Variants in BAZ1B observed in about 807,000 individuals in gnomAD.
BAZ1B encodes the protein tyrosine-protein kinase BAZ1B.
Under a neutral mutation model 153.8 loss-of-function variants are expected in BAZ1B, and 22 were observed. That is an observed-to-expected ratio of 0.14 (90% CI 0.10 to 0.20). BAZ1B has a LOEUF of 0.20. Ranked by LOEUF, BAZ1B falls within the 10% of genes least tolerant of loss-of-function variation. BAZ1B has a pLI of 1.00. For missense variants in BAZ1B, 1,325 were observed against 1,799.3 expected (o/e 0.74, Z 4.77); for synonymous variants, 676 against 633.4 (o/e 1.07, Z -1.01).
At chr7:73,472,351 C>A (rs530822125) in intron 7 of BAZ1B, among the ~76,000 whole-genome samples, 43 of 152,040 alleles carry the variant, frequency 2.8e-4, no homozygotes, top group Admixed American at 2.6e-3. Flanking sequence ...CTCCGCCTGC[C>A]GGGTTCAAGT....
At chr7:73,466,190 T>C (rs1227888177) in intron 10 of BAZ1B, 106 bp downstream of exon 10, 20 of 781,044 alleles carry the variant, frequency 2.6e-5, no homozygotes, top group Middle Eastern at 2.8e-4. Context: ...ACACAAAGTA[T>C]CCTGCGCAAA....
intron 6 of BAZ1B, among the ~76,000 whole-genome samples, chr7:73,480,762 G>A (rs1789168475): frequency 6.6e-6 from 1 of 152,104 alleles, no homozygotes; most frequent in Non-Finnish European, 1.5e-5. Flanking sequence ...AACAGCTAAG[G>A]ATTACTGAAT....
chr7:73,456,550 C>T (rs1340668201), intron 13 of BAZ1B, among the ~76,000 whole-genome samples: 1 of 152,108 alleles, frequency 6.6e-6, no homozygotes, highest in African/African-American at 2.4e-5. Flanking sequence ...TGAAAAGATG[C>T]TCAACATCAT....
At chr7:73,452,805 A>G (rs1034089917) in intron 13 of BAZ1B, among the ~76,000 whole-genome samples, 1 of 152,168 alleles carries the variant, frequency 6.6e-6, no homozygotes, top group Non-Finnish European at 1.5e-5. Flanking sequence ...AAACCATCAT[A>G]AATTATAAAT....
chr7:73,453,892 C>T (rs1266806743), intron 13 of BAZ1B, among the ~76,000 whole-genome samples: 1 of 152,122 alleles, frequency 6.6e-6, no homozygotes, highest in Non-Finnish European at 1.5e-5. Context: ...AGTAGAAGGA[C>T]ACCTGAGCCC....
chr7:73,469,983 A>C (rs146747475), intron 8 of BAZ1B, among the ~76,000 whole-genome samples: 1 of 152,290 alleles, frequency 6.6e-6, no homozygotes, highest in East Asian at 1.9e-4. Context: ...GTAGGATTAC[A>C]GGTGTGAACC....
intron 12 of BAZ1B, among the ~76,000 whole-genome samples, chr7:73,461,231 C>T (rs1313864504): frequency 6.6e-6 from 1 of 152,150 alleles, no homozygotes; most frequent in Non-Finnish European, 1.5e-5. Flanking sequence ...CCACCTTGGC[C>T]TCCTAAAGTG....
Position 73,463,008 on chromosome 7 carries a change from G to A in BAZ1B, c.3163C>T (p.Leu1055Phe). 2 of 1,614,008 alleles carry A rather than the reference G, an allele frequency of 1.2e-6. No homozygotes were observed. Among genetic ancestry groups the A allele is most frequent in the Non-Finnish European group, 1.7e-6 (2 of 1,179,960 alleles). Reference sequence around the variant, plus strand: ...GCAACTTCAATGAGATCACTACGAAGGAAGTTTAAAAGCTCCTGGTTGCCA... The same window carrying A: ...GCAACTTCAATGAGATCACTACGAAAGAAGTTTAAAAGCTCCTGGTTGCCA... ...CDGNQELLNF[L>F]RSDLIEVATR... The change falls in exon 12 of 20, where the codon CTT becomes TTT. Residue 1055 changes from leucine to phenylalanine, a missense_variant. Physicochemically the swap from Leu to Phe is conservative, Grantham distance 22. Coordinates refer to ENST00000339594, the MANE Select transcript of BAZ1B (RefSeq NM_032408.4).
chr7:73,461,900 GGCA>G (rs1325090385), intron 12 of BAZ1B, among the ~76,000 whole-genome samples: 1 of 152,154 alleles, frequency 6.6e-6, no homozygotes, highest in Non-Finnish European at 1.5e-5. Context: ...GATCAGCCAG[GGCA>G]ACATAGTGAG....
chr7:73,471,822 G>A (rs1416114362), intron 7 of BAZ1B, among the ~76,000 whole-genome samples: 1 of 151,714 alleles, frequency 6.6e-6, no homozygotes, highest in African/African-American at 2.4e-5. Flanking sequence ...AAGTGAAACT[G>A]TGTATTTGTA....
chr7:73,495,161 T>C (rs1789824224), intron 4 of BAZ1B, among the ~76,000 whole-genome samples: 1 of 152,128 alleles, frequency 6.6e-6, no homozygotes, highest in Non-Finnish European at 1.5e-5. Context: ...CGTGCTCCCA[T>C]AGTCCCAGTT....
intron 13 of BAZ1B, among the ~76,000 whole-genome samples, chr7:73,452,639 T>C (rs1471309066): frequency 1.3e-5 from 2 of 151,522 alleles, no homozygotes; most frequent in Non-Finnish European, 2.9e-5. Flanking sequence ...GGAGAATTGC[T>C]TGAACCCGGG....
At chr7:73,458,469 A>G (rs1436365428) in intron 13 of BAZ1B, among the ~76,000 whole-genome samples, 1 of 152,158 alleles carries the variant, frequency 6.6e-6, no homozygotes, top group Non-Finnish European at 1.5e-5. Context: ...TGAAGTCAGG[A>G]GTTCGAGACC....
Position 73,440,861 on chromosome 7 carries a change from A to G in BAZ1B, c.*848T>C, listed in dbSNP as rs1363331074. Reference sequence around the variant, plus strand: ...AATTTCCAAATTCAAAGGTGATAAAAAAGAAAAACCCTGTTTTGTACTTTT... The same window carrying G: ...AATTTCCAAATTCAAAGGTGATAAAGAAGAAAAACCCTGTTTTGTACTTTT... On this transcript the variant is annotated 3_prime_UTR_variant, in exon 20 of 20. Transcript: ENST00000339594. The G allele has an allele frequency of 6.6e-5, 10 of 152,640 alleles. No homozygotes were observed. Among genetic ancestry groups the G allele is most frequent in the Admixed American group, 2.0e-4 (3 of 15,278 alleles). The allele number at this position is 152,640 out of a possible 1,614,324, so 9.5% of individuals were successfully genotyped here. A position where few individuals can be genotyped will look rare whatever the true frequency, so the allele number is the denominator to read the frequency against.
rs781819628 is a variant in BAZ1B at position 73,470,382 on chromosome 7, G to A, written c.2695C>T (p.Arg899Cys). Reference protein sequence around the residue: ...EGIAKAKLVMRRTPIGTDRNH... With the variant: ...EGIAKAKLVMCRTPIGTDRNH... ...CGATCTGTGCCAATAGGAGTCCTGC[G>A]CATGACTAGTTTGGCCTTGGCAATC... Residue 899 changes from arginine (R) to cysteine (C), a missense_variant, in exon 8 of 20, where the codon CGC becomes TGC. This residue lies in a region of BAZ1B where 431 missense variants were observed against 563.5 expected (regional missense o/e 0.76). Coordinates refer to ENST00000339594, the MANE Select transcript of BAZ1B (RefSeq NM_032408.4). 2.9e-5 allele frequency: 47 copies of A among 1,613,930 alleles called. No individual in the cohort carries two copies. Among genetic ancestry groups the A allele is most frequent in the Middle Eastern group, 1.6e-4 (1 of 6,082 alleles).
Position 73,477,885 on chromosome 7 carries a change from A to G in BAZ1B, c.1576T>C (p.Tyr526His), listed in dbSNP as rs2116338812. Residue 526 changes from tyrosine (Y) to histidine (H), a missense_variant, in exon 7 of 20, where the codon TAT becomes CAT. Around this residue, in one of 9 missense-constraint regions of BAZ1B, gnomAD observed 154 missense variants for 266.3 expected, o/e 0.58. Coordinates refer to ENST00000339594, the MANE Select transcript of BAZ1B (RefSeq NM_032408.4). The surrounding 1 kb of genome is among the most constrained non-coding windows in gnomAD (Gnocchi z 5.6). ...EELRSLVQKR[Y>H]ELLEHKKRWA... ...CTCTTTTTGTGCTCTAGAAGTTCATAGCGTTTTTGAACAAGACTTCGCAAT... is the reference window on the plus strand; with the variant it reads ...CTCTTTTTGTGCTCTAGAAGTTCATGGCGTTTTTGAACAAGACTTCGCAAT... The G allele has an allele frequency of 6.2e-7, 1 of 1,614,084 alleles. No homozygotes were observed. Among genetic ancestry groups the G allele is most frequent in the Non-Finnish European group, 8.5e-7 (1 of 1,180,030 alleles).
intron 1 of BAZ1B, among the ~76,000 whole-genome samples, chr7:73,521,220 C>T (rs1166575339): frequency 5.9e-5 from 9 of 152,094 alleles, no homozygotes; most frequent in Non-Finnish European, 1.3e-4. Flanking sequence ...CCTTCCCTCC[C>T]TTTCCTCTAA....
chr7:73,498,446 A>G (rs782380172), intron 4 of BAZ1B, 51 bp downstream of exon 4: 1 of 1,540,768 alleles, frequency 6.5e-7, no homozygotes, highest in Non-Finnish European at 9.0e-7. Context: ...TGTTCATAAT[A>G]AAATAAACAG....
chr7:73,504,909 A>G (rs1790273738), intron 3 of BAZ1B, among the ~76,000 whole-genome samples: 1 of 152,210 alleles, frequency 6.6e-6, no homozygotes, highest in Non-Finnish European at 1.5e-5. Context: ...AGGAGATAGA[A>G]AGGAGTCAGA....
Sources: gnomAD v4.1 joint callset for allele counts (sites outside exome capture counted in the v4.1 genomes callset) on GRCh38, gnomAD v4.1.1 for gene constraint, gnomAD v4.1.1 regional missense constraint, Gnocchi (gnomAD v3.1) non-coding constraint, MANE v1.5 for transcripts, NCBI Gene and HGNC (gene_info 2026-07-23, HGNC 2026-07-21) for gene names.